LSS: variants seen among roughly 807,000 people sequenced by gnomAD.
LSS encodes the protein 2,3-epoxysqualene-lanosterol cyclase.
A neutral mutation model predicts 110.3 loss-of-function variants in LSS; 90 were observed. The observed-to-expected ratio is 0.82, with a 90% CI of 0.69 to 0.97. The LOEUF (loss-of-function observed/expected upper bound fraction) is 0.97. LSS is among the 50% of genes least tolerant of loss of function. The pLI, the probability that LSS is intolerant of heterozygous loss-of-function variation, is 0.00. For synonymous variants in LSS, 433 were observed against 400.0 expected (o/e 1.08, Z -0.98); for missense variants, 927 against 990.0 (o/e 0.94, Z 0.85).
intron 3 of LSS, among the ~76,000 whole-genome samples, chr21:46,224,988 T>C (rs767451021): frequency 2.0e-5 from 3 of 152,082 alleles, no homozygotes; most frequent in African/African-American, 4.8e-5. Flanking sequence ...TGGTGGCACA[T>C]GGCTGTAATC....
At chr21:46,218,651 GATA>G (rs1412727008) in intron 6 of LSS, among the ~76,000 whole-genome samples, 2 of 150,782 alleles carry the variant, frequency 1.3e-5, no homozygotes, top group East Asian at 3.9e-4. Flanking sequence ...ACACACACCA[GATA>G]ATAAGAAATT....
At chr21:46,219,673 C>T (rs2080250183) in intron 5 of LSS, 101 bp from the exon 6 acceptor site, 5 of 658,028 alleles carry the variant, frequency 7.6e-6, no homozygotes, top group Middle Eastern at 2.6e-4. Context: ...CACGTGTGCC[C>T]CTCTCCATGA....
intron 11 of LSS, among the ~76,000 whole-genome samples, 168 bp downstream of exon 11, chr21:46,212,857 C>T (rs2123736044): frequency 6.6e-6 from 1 of 152,270 alleles, no homozygotes. Flanking sequence ...ACACAGAGAC[C>T]AACAGCACCC....
intron 5 of LSS, chr21:46,220,136 C>T (rs2080256207): frequency 6.6e-6 from 1 of 152,524 alleles, no homozygotes; most frequent in Admixed American, 6.5e-5. Context: ...ACAGCCACAC[C>T]ATCTAAACAT....
intron 17 of LSS, among the ~76,000 whole-genome samples, chr21:46,201,947 G>A (rs1197768531): frequency 2.0e-5 from 3 of 150,470 alleles, no homozygotes; most frequent in Non-Finnish European, 3.0e-5. Context: ...ACAAGCGCCC[G>A]CCACCACGCC....
At chr21:46,217,309 G>C (rs2080220113) in intron 6 of LSS, among the ~76,000 whole-genome samples, 1 of 149,624 alleles carries the variant, frequency 6.7e-6, no homozygotes, top group Admixed American at 6.7e-5. Flanking sequence ...ATCTCCCCAA[G>C]GCCTGGGTCT....
intron 17 of LSS, 119 bp downstream of exon 17, chr21:46,205,717 A>G (rs545860923): frequency 5.7e-6 from 4 of 706,864 alleles, no homozygotes; most frequent in East Asian, 2.7e-5. Flanking sequence ...AGCCTCTTGC[A>G]TGTTTCCATG....
At position 46,194,592 on chromosome 21, in the gene LSS, C is replaced by G. The variant is rs764098604; in HGVS notation, c.1887G>C (p.Trp629Cys). 3 of 1,613,808 alleles carry G rather than the reference C, an allele frequency of 1.9e-6. No homozygotes were observed. Among genetic ancestry groups the G allele is most frequent in the Admixed American group, 1.7e-5 (1 of 60,018 alleles). Reference protein sequence around the residue: ...LLSRQMADGGWGEDFESCEER... With the variant: ...LLSRQMADGGCGEDFESCEER... Reference sequence around the variant, plus strand: ...CCTCGCAGGACTCAAAGTCCTCCCCCCAGCCTCCGTCTGCCATCTGCCGGG... The same window carrying G: ...CCTCGCAGGACTCAAAGTCCTCCCCGCAGCCTCCGTCTGCCATCTGCCGGG... Residue 629 changes from tryptophan to cysteine, a missense_variant, in exon 20 of 22, where the codon TGG (tryptophan) becomes TGC (cysteine). Coordinates refer to ENST00000397728, the MANE Select transcript of LSS (RefSeq NM_002340.6).
chr21:46,223,067 CA>C (rs2123760752), intron 3 of LSS, among the ~76,000 whole-genome samples: 1 of 152,320 alleles, frequency 6.6e-6, no homozygotes, highest in Non-Finnish European at 1.5e-5. Flanking sequence ...CCTGAAGGTC[CA>C]AAAGGAACCA....
rs1261466371 is a variant in LSS at position 46,208,362 on chromosome 21, C to T, written c.1267-61G>A. The stretch of plus-strand genomic sequence containing the variant: ...ACACGTCACCACGGGACGTCCCCAT[C>T]TGGGACATCGCTGAGACAGACTGGG... On this transcript the variant is annotated intron_variant, in intron 13 of 21. Transcript: ENST00000397728. The T allele has an allele frequency of 8.6e-6, 12 of 1,395,202 alleles. No homozygotes were observed. In the Admixed American group the frequency reaches 1.4e-4, roughly 16 times the overall value. The allele number at this position is 1,395,202 out of a possible 1,614,324, so 86.4% of individuals were successfully genotyped here. A position where few individuals can be genotyped will look rare whatever the true frequency, so the allele number is the denominator to read the frequency against.
chr21:46,195,205 T>C (rs1354437517), intron 19 of LSS, among the ~76,000 whole-genome samples: 1 of 152,220 alleles, frequency 6.6e-6, no homozygotes, highest in African/African-American at 2.4e-5. Context: ...CCCTCCAGCA[T>C]ACATGTCAGG....
At chr21:46,203,384 C>G (rs898934639) in intron 17 of LSS, among the ~76,000 whole-genome samples, 1 of 152,162 alleles carries the variant, frequency 6.6e-6, no homozygotes, top group Non-Finnish European at 1.5e-5. Flanking sequence ...GAAACCTCAC[C>G]AGGCACAAAG....
chr21:46,191,799 A>G, intron 21 of LSS, 82 bp downstream of exon 21: 1 of 1,198,098 alleles, frequency 8.3e-7, no homozygotes, highest in Non-Finnish European at 1.2e-6. Context: ...CAAAAAGGAC[A>G]CAGAGCAGGG....
Position 46,209,196 on chromosome 21 carries a change from A to G in LSS, c.1266+358T>C, listed in dbSNP as rs1004530581. ...AAGTCCACAGGCTGGCGTCACCTCC[A>G]TGGGCAGAAGGTGCTTCAGAGACAT... is the stretch of plus-strand genomic sequence containing the variant. On this transcript the variant is annotated intron_variant, in intron 13 of 21. Coordinates refer to ENST00000397728, the MANE Select transcript of LSS (RefSeq NM_002340.6). This position sits in a 1 kb window ranked among gnomAD's most constrained non-coding sequence, Gnocchi z 4.4. 7.2e-5 allele frequency among the ~76,000 whole-genome samples: 11 copies of G among 152,210 alleles called. No homozygotes were observed. The highest frequency in any genetic ancestry group is 2.6e-4 in the African/African-American group (11 of 41,552).
intron 3 of LSS, among the ~76,000 whole-genome samples, chr21:46,223,643 T>C (rs1180239949): frequency 6.6e-6 from 1 of 152,254 alleles, no homozygotes; most frequent in African/African-American, 2.4e-5. Context: ...CATTAGTTTG[T>C]AGTAATTACT....
intron 2 of LSS, 73 bp downstream of exon 2, chr21:46,228,361 G>A (rs2080382766): frequency 1.3e-6 from 2 of 1,526,534 alleles, no homozygotes; most frequent in African/African-American, 2.8e-5. Flanking sequence ...CCGCCTTTCT[G>A]AGAGAAAACG....
intron 6 of LSS, among the ~76,000 whole-genome samples, chr21:46,217,068 G>A (rs766894121): frequency 3.0e-4 from 45 of 152,044 alleles, no homozygotes; most frequent in South Asian, 6.2e-4. Flanking sequence ...CCAACATGGC[G>A]AAACCCCATC....
Position 46,215,232 on chromosome 21 carries a change from T to C in LSS, c.959A>G (p.Tyr320Cys). The C allele has an allele frequency of 6.2e-7, 1 of 1,611,424 alleles. No homozygotes were observed. Among genetic ancestry groups the C allele is most frequent in the Non-Finnish European group, 8.5e-7 (1 of 1,179,918 alleles). ...HLRQRAVQKL[Y>C]EHIVADDRFT... Reference sequence around the variant, plus strand: ...TCGGTCGTCGGCCACAATGTGTTCATACAGCTTCTGCACGGCCCGCTGCCG... The same window carrying C: ...TCGGTCGTCGGCCACAATGTGTTCACACAGCTTCTGCACGGCCCGCTGCCG... Residue 320 changes from tyrosine to cysteine, a missense_variant, in exon 9 of 22, where the codon TAT becomes TGT. Coordinates refer to ENST00000397728, the MANE Select transcript of LSS (RefSeq NM_002340.6).
At position 46,208,256 on chromosome 21, in the gene LSS, G is replaced by C. The variant is rs142026899; in HGVS notation, c.1312C>G (p.Arg438Gly). The C allele has an allele frequency of 3.9e-6, 6 of 1,552,258 alleles. No individual in the cohort carries two copies. The highest frequency in any genetic ancestry group is 1.2e-5 in the South Asian group (1 of 84,084). ...PDYQKYYRQMRKGGFSFSTLD... is the reference protein window; with the variant it reads ...PDYQKYYRQMGKGGFSFSTLD... ...TGGGGCTGGCTCCCGCATACCTTGC[G>C]CATCTGGCGGTAGTACTTCTGGTAG... The change falls in exon 14 of 22, where the codon CGC becomes GGC. Residue 438 changes from arginine to glycine, a missense_variant. Physicochemically the swap from Arg to Gly is moderately radical, Grantham distance 125 (BLOSUM62 -2). Coordinates refer to ENST00000397728, the MANE Select transcript of LSS (RefSeq NM_002340.6).
Sources: gnomAD v4.1 joint callset for allele counts (sites outside exome capture counted in the v4.1 genomes callset) on GRCh38, gnomAD v4.1.1 for gene constraint, Gnocchi (gnomAD v3.1) non-coding constraint, MANE v1.5 for transcripts, NCBI Gene and HGNC (gene_info 2026-07-23, HGNC 2026-07-21) for gene names.